Variants in CALCR observed in about 807,000 individuals in gnomAD.
The protein encoded by CALCR is calcitonin receptor.
Under a neutral mutation model 59.5 loss-of-function variants are expected in CALCR, and 47 were observed. That is an observed-to-expected ratio of 0.79 (90% CI 0.63 to 1.01). The LOEUF (loss-of-function observed/expected upper bound fraction) is 1.01, where lower values mean the gene tolerates loss of function less well. Among genes scored for constraint, CALCR ranks in the 50% least tolerant of loss-of-function variants. The probability of loss-of-function intolerance (pLI) is 0.00; values close to 1 mark genes in which losing one functional copy is unlikely to be tolerated. For synonymous variants in CALCR, 213 were observed against 211.3 expected (o/e 1.01, Z -0.07); for missense variants, 566 against 597.1 (o/e 0.95, Z 0.54).
Position 93,486,880 on chromosome 7 carries a change from T to G in CALCR, c.51+51A>C, listed in dbSNP as rs761455476. 5.5e-6 allele frequency: 6 copies of G among 1,087,434 alleles called. No individual in the cohort carries two copies. The Admixed American group carries it at 8.9e-5, about 16-fold the overall frequency. The allele number at this position is 1,087,434 out of a possible 1,614,324, so 67.4% of individuals were successfully genotyped here. A position where few individuals can be genotyped will look rare whatever the true frequency, so the allele number is the denominator to read the frequency against. On this transcript the variant is annotated intron_variant, in intron 3 of 13. Transcript: ENST00000426151. ...TAAATCACACTCAAAACATTCCTCC[T>G]TATTCAGCATTCTTCATTAGCATGG...
chr7:93,467,851 G>A (rs1039233931), intron 7 of CALCR, among the ~76,000 whole-genome samples: 1 of 151,266 alleles, frequency 6.6e-6, no homozygotes, highest in Non-Finnish European at 1.5e-5. Flanking sequence ...CTTATTATGT[G>A]TCAGACATGA....
At chr7:93,549,501 C>T (rs1296115019) in intron 2 of CALCR, among the ~76,000 whole-genome samples, 1 of 152,002 alleles carries the variant, frequency 6.6e-6, no homozygotes, top group Non-Finnish European at 1.5e-5. Flanking sequence ...TGTTAAATAA[C>T]ATAAAGACAA....
At chr7:93,528,626 A>G (rs1584608617) in intron 2 of CALCR, among the ~76,000 whole-genome samples, 1 of 152,210 alleles carries the variant, frequency 6.6e-6, no homozygotes, top group African/African-American at 2.4e-5. Context: ...TCTCTAATTT[A>G]TCAAAATAGA....
At chr7:93,446,946 CCATTT>C (rs568638914) in intron 8 of CALCR, among the ~76,000 whole-genome samples, 176 of 152,066 alleles carry the variant, frequency 1.2e-3, no homozygotes, top group African/African-American at 4.0e-3. Flanking sequence ...GAGTTATACT[CCATTT>C]TATTTTCTTC....
intron 2 of CALCR, among the ~76,000 whole-genome samples, chr7:93,547,379 C>T (rs1211459414): frequency 6.6e-6 from 1 of 152,120 alleles, no homozygotes; most frequent in African/African-American, 2.4e-5. Context: ...AATTGCATTG[C>T]AAGTGTCAGT....
chr7:93,445,352 C>T (rs533255065), intron 8 of CALCR, among the ~76,000 whole-genome samples: 1 of 152,050 alleles, frequency 6.6e-6, no homozygotes, highest in African/African-American at 2.4e-5. Context: ...ATTTGGAAGG[C>T]TATTCTTATT....
chr7:93,494,746 G>C (rs1204990740), intron 2 of CALCR, among the ~76,000 whole-genome samples: 1 of 151,358 alleles, frequency 6.6e-6, no homozygotes, highest in East Asian at 1.9e-4. Flanking sequence ...TATACAGGTA[G>C]AGCTGTGAAG....
intron 2 of CALCR, among the ~76,000 whole-genome samples, chr7:93,522,898 A>G (rs1477827378): frequency 2.0e-5 from 3 of 152,194 alleles, no homozygotes; most frequent in African/African-American, 7.2e-5. Context: ...AAATCAAGGA[A>G]TGAAGCACAA....
At chr7:93,470,099 G>C (rs1203352822) in intron 6 of CALCR, among the ~76,000 whole-genome samples, 1 of 151,622 alleles carries the variant, frequency 6.6e-6, no homozygotes, top group Non-Finnish European at 1.5e-5. Context: ...CATTTGACCA[G>C]GCATTCCATA....
At chr7:93,511,556 T>TA (rs1179725693) in intron 2 of CALCR, among the ~76,000 whole-genome samples, 4 of 151,882 alleles carry the variant, frequency 2.6e-5, no homozygotes, top group East Asian at 1.9e-4. Flanking sequence ...TCATCCACAA[T>TA]AAAAAAATTA....
chr7:93,556,744 T>C (rs948568459), intron 2 of CALCR, among the ~76,000 whole-genome samples: 6 of 152,092 alleles, frequency 3.9e-5, no homozygotes, highest in African/African-American at 1.4e-4. Flanking sequence ...TACATATAGA[T>C]CTGCCTCATT....
chr7:93,496,569 C>T (rs976560702), intron 2 of CALCR, among the ~76,000 whole-genome samples: 3 of 151,494 alleles, frequency 2.0e-5, no homozygotes, highest in African/African-American at 4.8e-5. Context: ...ATTCTCTAGC[C>T]TTGGTACAAA....
chr7:93,492,288 A>G (rs1429595538), intron 2 of CALCR, among the ~76,000 whole-genome samples: 1 of 151,238 alleles, frequency 6.6e-6, no homozygotes, highest in Non-Finnish European at 1.5e-5. Flanking sequence ...ACAGGTCAAT[A>G]GGTGTAAAAA....
In CALCR at chr7:93,460,554, T is replaced by TAAG. The variant is rs1289021847; in HGVS notation, c.648+266_648+267insCTT. 2.0e-4 allele frequency among the ~76,000 whole-genome samples: 16 copies of TAAG among 79,304 alleles called. No homozygotes were observed. The South Asian group carries it at 3.9e-3, about 19-fold the overall frequency. The allele number at this position is 79,304 out of a possible 152,430, so 52.0% of individuals were successfully genotyped here. On this transcript the variant is annotated intron_variant, in intron 8 of 13. Coordinates refer to ENST00000426151, the MANE Select transcript of CALCR (RefSeq NM_001742.4). The stretch of plus-strand genomic sequence containing the variant: ...CTGGGCAACAGAGTGAGACTCTATC[T>TAAG]AAAAAAAAAAAAAAAAAAATATATA...
At chr7:93,535,394 A>T (rs1404550516) in intron 2 of CALCR, among the ~76,000 whole-genome samples, 1 of 151,776 alleles carries the variant, frequency 6.6e-6, no homozygotes, top group Non-Finnish European at 1.5e-5. Context: ...ATGTAAGCTT[A>T]AATTTCTTAA....
chr7:93,556,739 A>G (rs933401470), intron 2 of CALCR, among the ~76,000 whole-genome samples: 11 of 152,186 alleles, frequency 7.2e-5, no homozygotes, highest in African/African-American at 2.2e-4. Context: ...GTCAGTACAT[A>G]TAGATCTGCC....
chr7:93,441,395 G>A (rs1799900667), intron 9 of CALCR: 1 of 372,002 alleles, frequency 2.7e-6, no homozygotes, highest in Non-Finnish European at 5.2e-6. Context: ...CAATTATTAT[G>A]ATTGTGATGA....
At chr7:93,533,464 G>T (rs1788901731) in intron 2 of CALCR, among the ~76,000 whole-genome samples, 1 of 151,918 alleles carries the variant, frequency 6.6e-6, no homozygotes, top group African/African-American at 2.4e-5. Context: ...TACTTTCAAT[G>T]TAATTATCAG....
chr7:93,529,618 C>A (rs557806121), intron 2 of CALCR, among the ~76,000 whole-genome samples: 1 of 152,180 alleles, frequency 6.6e-6, no homozygotes, highest in South Asian at 2.1e-4. Context: ...CGTCAGATAG[C>A]TTTTCATTTG....
Sources: gnomAD v4.1 joint callset for allele counts (sites outside exome capture counted in the v4.1 genomes callset) on GRCh38, gnomAD v4.1.1 for gene constraint, MANE v1.5 for transcripts, NCBI Gene and HGNC (gene_info 2026-07-23, HGNC 2026-07-21) for gene names.